BRD10: variants seen among roughly 807,000 people sequenced by gnomAD.
BRD10 encodes bromodomain containing 10.
At chr9:5,893,159 C>G in the BRD10 span, among the ~76,000 whole-genome samples, 1 of 152,174 alleles carries the variant, frequency 6.6e-6, no homozygotes, top group Non-Finnish European at 1.5e-5. Flanking sequence ...TTTGAAAAAA[C>G]TCACAACTTA....
chr9:5,943,329 T>C, the BRD10 span, among the ~76,000 whole-genome samples: 1 of 152,280 alleles, frequency 6.6e-6, no homozygotes, highest in African/African-American at 2.4e-5. Context: ...AAACTATGCA[T>C]TAAAAAATGC....
At chr9:5,933,728 AAT>A in the BRD10 span, 1 of 469,070 alleles carries the variant, frequency 2.1e-6, no homozygotes, top group Admixed American at 2.4e-5. Flanking sequence ...ATGTATGTGA[AAT>A]GAGTCGGGAG....
the BRD10 span, among the ~76,000 whole-genome samples, chr9:5,887,086 CTG>C: frequency 6.6e-6 from 1 of 152,134 alleles, no homozygotes; most frequent in African/African-American, 2.4e-5. Flanking sequence ...TAGCAAAATC[CTG>C]TCTCTACTAA....
the BRD10 span, chr9:5,910,723 T>C: frequency 6.6e-6 from 1 of 152,324 alleles, no homozygotes; most frequent in African/African-American, 2.4e-5. Context: ...AGAAAGAAAT[T>C]AGAAAAGTGA....
chr9:5,907,179 A>C, the BRD10 span: 2 of 371,958 alleles, frequency 5.4e-6, no homozygotes, highest in African/African-American at 4.2e-5. Flanking sequence ...ATAAAAAATA[A>C]ATAATAATAA....
chr9:5,948,331 T>C, the BRD10 span, among the ~76,000 whole-genome samples: 1 of 152,212 alleles, frequency 6.6e-6, no homozygotes, highest in Non-Finnish European at 1.5e-5. Flanking sequence ...AGGGTCTTTA[T>C]AACAACACAA....
At chr9:5,923,597 CA>C in the BRD10 span, among the ~76,000 whole-genome samples, 7 of 152,032 alleles carry the variant, frequency 4.6e-5, no homozygotes, top group Admixed American at 4.6e-4. Flanking sequence ...AGTGTAAGTG[CA>C]AAAAACTGTT....
At chr9:5,993,090 T>C in the BRD10 span, among the ~76,000 whole-genome samples, 1 of 151,544 alleles carries the variant, frequency 6.6e-6, no homozygotes, top group Non-Finnish European at 1.5e-5. Flanking sequence ...CCAAGGCGGG[T>C]GGATCAAATG....
At chr9:5,994,894 C>A in the BRD10 span, among the ~76,000 whole-genome samples, 1 of 143,072 alleles carries the variant, frequency 7.0e-6, no homozygotes, top group African/African-American at 2.8e-5. Flanking sequence ...CAAATGCTAT[C>A]ATTTTTCTTT....
the BRD10 span, among the ~76,000 whole-genome samples, chr9:5,961,574 G>C: frequency 6.6e-6 from 1 of 151,984 alleles, no homozygotes; most frequent in Non-Finnish European, 1.5e-5. Flanking sequence ...TTTGAAAACA[G>C]GTCATCAAGG....
chr9:5,883,901 C>T, the BRD10 span, among the ~76,000 whole-genome samples: 1 of 152,174 alleles, frequency 6.6e-6, no homozygotes, highest in African/African-American at 2.4e-5. Context: ...TGGACTGACA[C>T]AAGGGTTTGC....
chr9:6,007,341 G>A, the BRD10 span: 1 of 1,613,604 alleles, frequency 6.2e-7, no homozygotes, highest in Non-Finnish European at 8.5e-7. Flanking sequence ...CCCCGTACTG[G>A]CCGCTGGCGA....
chr9:5,934,419 T>C, the BRD10 span, among the ~76,000 whole-genome samples: 1 of 145,976 alleles, frequency 6.9e-6, no homozygotes, highest in Admixed American at 7.2e-5. Flanking sequence ...AGTGCAGAGG[T>C]ACGATGTCGG....
At chr9:5,922,719 G>A in the BRD10 span, 1 of 1,613,926 alleles carries the variant, frequency 6.2e-7, no homozygotes, top group Non-Finnish European at 8.5e-7. Flanking sequence ...CCTGTTTTAG[G>A]ATCCACCATA....
the BRD10 span, among the ~76,000 whole-genome samples, chr9:5,895,859 G>A: frequency 1.3e-5 from 2 of 152,202 alleles, no homozygotes; most frequent in Non-Finnish European, 2.9e-5. Context: ...TCAGTTACTT[G>A]GGCATGTTGT....
chr9:5,980,628 A>C, the BRD10 span, among the ~76,000 whole-genome samples: 3 of 152,222 alleles, frequency 2.0e-5, no homozygotes, highest in East Asian at 5.8e-4. Context: ...ATTTCTGTAG[A>C]CCAGGGTTGG....
the BRD10 span, among the ~76,000 whole-genome samples, chr9:5,954,690 C>T: frequency 5.3e-5 from 8 of 152,084 alleles, no homozygotes; most frequent in Non-Finnish European, 1.2e-4. Flanking sequence ...GAATCAGAAA[C>T]CACTGGAAAA....
the BRD10 span, among the ~76,000 whole-genome samples, chr9:5,949,262 C>T: frequency 6.6e-6 from 1 of 151,946 alleles, no homozygotes; most frequent in Non-Finnish European, 1.5e-5. Flanking sequence ...ATAGAGGAAA[C>T]CACAGAGAAT....
At chr9:5,916,951 A>T in the BRD10 span, among the ~76,000 whole-genome samples, 14 of 152,160 alleles carry the variant, frequency 9.2e-5, no homozygotes, top group African/African-American at 3.1e-4. Flanking sequence ...GACCTACAAA[A>T]CTGGAGGCAA....
Sources: allele counts gnomAD v4.1 joint callset (sites outside exome capture counted in the v4.1 genomes callset), GRCh38; gene constraint gnomAD v4.1.1; transcripts MANE v1.5; gene names NCBI Gene and HGNC (gene_info 2026-07-23, HGNC 2026-07-21).